ANK2: variants seen among roughly 807,000 people sequenced by gnomAD.
ANK2 encodes the protein ankyrin-2.
ANK2 carries 83 observed loss-of-function variants against 360.5 expected under a neutral mutation model. The ratio of observed to expected loss-of-function variants is 0.23; its 90% CI spans 0.19 to 0.28. The LOEUF is 0.28. ANK2 is among the 10% of genes least tolerant of loss of function. ANK2 has a pLI of 1.00. For missense variants in ANK2, 4,201 were observed against 4,795.7 expected (o/e 0.88, Z 3.66); for synonymous variants, 1,740 against 1,759.5 (o/e 0.99, Z 0.28).
Position 113,367,708 on chromosome 4 carries a change from G to T in ANK2, c.11175G>T (p.Gln3725His). The change falls in exon 42 of 46, where the codon CAG becomes CAT. Residue 3725 changes from glutamine to histidine, a missense_variant. Physicochemically the swap from Gln to His is conservative, Grantham distance 24. Around this residue, in one of 4 missense-constraint regions of ANK2, gnomAD observed 2,642 missense variants for 2,714.5 expected, o/e 0.97. Transcript: ENST00000357077. ...EDISVGYSTF[Q>H]DGVPKTEGDS... ...TTTCTGTTGGTTATTCCACTTTTCA[G>T]GATGGCGTCCCCAAAACTGAGGGGG... 6.2e-7 allele frequency: 1 copy of T among 1,613,386 alleles called. No individual in the cohort carries two copies. Among genetic ancestry groups the T allele is most frequent in the Non-Finnish European group, 8.5e-7 (1 of 1,179,812 alleles).
At chr4:112,717,191 A>G in the ANK2 span, among the ~76,000 whole-genome samples, 11,386 of 152,216 alleles carry the variant, frequency 0.075, 707 homozygotes, top group African/African-American at 0.17. Flanking sequence ...GGTTCTTCAA[A>G]TCCATTAACC....
chr4:112,741,710 G>A, the ANK2 span, among the ~76,000 whole-genome samples: 1 of 152,146 alleles, frequency 6.6e-6, no homozygotes, highest in Admixed American at 6.6e-5. Context: ...AGGGTAAGGT[G>A]TGGTGGCTCA....
chr4:113,278,381 C>G (rs1394156304), intron 16 of ANK2, 79 bp from the exon 17 acceptor site: 6 of 1,146,706 alleles, frequency 5.2e-6, no homozygotes, highest in African/African-American at 1.5e-5. Flanking sequence ...TAATCAATAT[C>G]AGTTTCCAGG....
intron 1 of ANK2, among the ~76,000 whole-genome samples, chr4:112,838,145 T>G (rs2061383671): frequency 6.6e-6 from 1 of 152,030 alleles, no homozygotes; most frequent in Non-Finnish European, 1.5e-5. Flanking sequence ...GTGCTGTTCT[T>G]ATAATAGTGA....
chr4:113,037,546 A>G (rs1181178520), intron 2 of ANK2, among the ~76,000 whole-genome samples: 1 of 151,978 alleles, frequency 6.6e-6, no homozygotes, highest in African/African-American at 2.4e-5. Context: ...TGTATAGTCA[A>G]TGTGACCAAA....
At chr4:113,047,691 G>C (rs61580896), upstream of ANK2, among the ~76,000 whole-genome samples, 3 of 152,060 alleles carry the variant, frequency 2.0e-5, no homozygotes, top group African/African-American at 7.2e-5. Flanking sequence ...AAAAAAAAGA[G>C]AGAACCTTTG....
chr4:112,880,668 G>C (rs886228643), intron 1 of ANK2: 1 of 152,174 alleles, frequency 6.6e-6, no homozygotes, highest in Non-Finnish European at 1.5e-5. Flanking sequence ...ACCCAAACTT[G>C]CTCCTTCCAT....
chr4:112,825,699 T>C (rs77068395), intron 1 of ANK2, among the ~76,000 whole-genome samples: 13,903 of 152,224 alleles, frequency 0.091, 873 homozygotes, highest in African/African-American at 0.18. Context: ...TATATTTACA[T>C]GACATAAGAG....
At chr4:113,365,961 C>T (rs767364385) in intron 41 of ANK2, among the ~76,000 whole-genome samples, 2 of 152,156 alleles carry the variant, frequency 1.3e-5, no homozygotes, top group East Asian at 3.8e-4. Context: ...GATTTCATCT[C>T]CTTTTACTCA....
intron 1 of ANK2, among the ~76,000 whole-genome samples, chr4:112,875,955 A>G (rs76927602): frequency 2.8e-5 from 4 of 143,228 alleles, no homozygotes; most frequent in African/African-American, 1.0e-4. Context: ...AAGTCTCGCC[A>G]TGTTTTCCAG....
chr4:113,298,971 A>G (rs1293552710), intron 22 of ANK2, among the ~76,000 whole-genome samples: 1 of 152,252 alleles, frequency 6.6e-6, no homozygotes, highest in Non-Finnish European at 1.5e-5. Context: ...ATGGCCTTCT[A>G]AAGGTCAAAT....
At chr4:112,885,796 C>CAAAAAAAAAAA (rs750277917) in intron 1 of ANK2, among the ~76,000 whole-genome samples, 31 of 26,974 alleles carry the variant, frequency 1.1e-3, no homozygotes, top group South Asian at 2.1e-3. Flanking sequence ...GACTCTGTCT[C>CAAAAAAAAAAA]AAAAAAAAAA....
At chr4:113,303,651 G>A (rs189521540) in intron 23 of ANK2, among the ~76,000 whole-genome samples, 63 of 152,062 alleles carry the variant, frequency 4.1e-4, no homozygotes, top group African/African-American at 1.5e-3. Context: ...AAAAAAATGT[G>A]CTACTAAAAA....
chr4:112,907,212 T>A (rs750516622), intron 2 of ANK2, among the ~76,000 whole-genome samples: 1 of 152,222 alleles, frequency 6.6e-6, no homozygotes, highest in Non-Finnish European at 1.5e-5. Context: ...GCCCTGAAGA[T>A]GAAAGACTTC....
intron 1 of ANK2, among the ~76,000 whole-genome samples, chr4:112,843,019 G>T (rs752436291): frequency 6.6e-6 from 1 of 152,156 alleles, no homozygotes; most frequent in Non-Finnish European, 1.5e-5. Context: ...CTCTGGTTCT[G>T]TTGTCACATC....
At chr4:112,930,716 G>A (rs558514341) in intron 2 of ANK2, among the ~76,000 whole-genome samples, 5 of 151,964 alleles carry the variant, frequency 3.3e-5, no homozygotes, top group Admixed American at 6.6e-5. Context: ...GTGAAACCCC[G>A]TCTCTACTAA....
intron 1 of ANK2, among the ~76,000 whole-genome samples, chr4:113,151,704 A>G (rs1349085980): frequency 6.6e-6 from 1 of 152,076 alleles, no homozygotes; most frequent in Admixed American, 6.6e-5. Flanking sequence ...AGTAGTAGAC[A>G]TTTTCTTGAA....
At chr4:112,785,419 G>A in the ANK2 span, among the ~76,000 whole-genome samples, 1 of 151,710 alleles carries the variant, frequency 6.6e-6, no homozygotes, top group South Asian at 2.1e-4. Flanking sequence ...TGTCACCCAG[G>A]CTGGAGTGCA....
chr4:113,156,376 T>TTTTTTTTTTTTTTTTG (rs1277048467), intron 1 of ANK2, among the ~76,000 whole-genome samples: 5 of 145,866 alleles, frequency 3.4e-5, no homozygotes, highest in Admixed American at 2.0e-4. Context: ...AAATTCTTTT[T>TTTTTTTTTTTTTTTTG]TTTTTGTTTT....
Sources: gnomAD v4.1 joint callset for allele counts (sites outside exome capture counted in the v4.1 genomes callset) on GRCh38, gnomAD v4.1.1 for gene constraint, gnomAD v4.1.1 regional missense constraint, MANE v1.5 for transcripts, NCBI Gene and HGNC (gene_info 2026-07-23, HGNC 2026-07-21) for gene names.